The following NELL1 variants were observed in gnomAD, a reference collection of about 807,000 sequenced individuals.
NELL1 encodes the protein protein kinase C-binding protein NELL1.
A neutral mutation model predicts 107.4 loss-of-function variants in NELL1; 76 were observed. The ratio of observed to expected loss-of-function variants is 0.71; its 90% CI spans 0.59 to 0.86. The LOEUF (loss-of-function observed/expected upper bound fraction) is 0.86. NELL1 is among the 40% of genes least tolerant of loss of function. NELL1 has a pLI of 0.00. For synonymous variants in NELL1, 353 were observed against 341.2 expected, an observed-to-expected ratio of 1.03 and a Z score of -0.38; for missense variants, 1,024 against 1,005.5, an observed-to-expected ratio of 1.02 and a Z score of -0.25.
At chr11:20,960,693 G>A in intron 12 of NELL1, 133 bp downstream of exon 12, 2 of 1,010,074 alleles carry the variant, frequency 2.0e-6, no homozygotes, top group African/African-American at 1.6e-5. Flanking sequence ...CATATCAATT[G>A]CTGAGGGTTC....
At position 21,299,511 on chromosome 11, in the gene NELL1, ATGTGTGTGTGTGTGTGTGTGTGTG is replaced by A. The variant is rs71063696; in HGVS notation, c.1549+70087_1549+70110del. 2.0e-3 allele frequency among the ~76,000 whole-genome samples: 270 copies of A among 136,484 alleles called. 2 individuals are homozygous for A. The highest frequency in any genetic ancestry group is 3.4e-3 in the Non-Finnish European group (218 of 64,476). The allele number at this position is 136,484 out of a possible 152,430, so 89.5% of individuals were successfully genotyped here. A position where few individuals can be genotyped will look rare whatever the true frequency, so the allele number is the denominator to read the frequency against. Reference sequence around the variant, plus strand: ...AAATTTCAACATTTTATTGTCTTATATGTGTGTGTGTGTGTGTGTGTGTGTGTGTGTGTGTGTGTGTGTGTGTGT... The same window carrying A: ...AAATTTCAACATTTTATTGTCTTATATGTGTGTGTGTGTGTGTGTGTGTGT... On this transcript the variant is annotated intron_variant, in intron 14 of 19. Coordinates refer to ENST00000357134, the MANE Select transcript of NELL1 (RefSeq NM_006157.5).
rs1210805775 is a variant in NELL1, at chr11:21,575,104, T to G, written c.*82T>G. The G allele has an allele frequency of 5.4e-6, 7 of 1,293,420 alleles. No homozygotes were observed. The highest frequency in any genetic ancestry group is 7.8e-6 in the Non-Finnish European group (7 of 897,016). 80.1% of individuals were successfully genotyped at this position (1,293,420 alleles called of 1,614,324 possible). ...TAAGGATAGGAATCGGTAGTTTGGT[T>G]TTTTTGTTTGTTTTGTTTTTTTAAC... is the stretch of plus-strand genomic sequence containing the variant. On this transcript the variant is annotated 3_prime_UTR_variant, in exon 20 of 20. Coordinates refer to ENST00000357134, the MANE Select transcript of NELL1 (RefSeq NM_006157.5).
chr11:20,927,143 G>A (rs1850514125), intron 7 of NELL1, 165 bp from the exon 8 acceptor site: 2 of 590,192 alleles, frequency 3.4e-6, no homozygotes, highest in Non-Finnish European at 5.8e-6. Context: ...TCCACCTTGT[G>A]TAAAAAAAAT....
At chr11:20,732,693 G>A (rs1333102515) in intron 2 of NELL1, among the ~76,000 whole-genome samples, 1 of 151,412 alleles carries the variant, frequency 6.6e-6, no homozygotes, top group African/African-American at 2.4e-5. Flanking sequence ...CAGTGTAGAT[G>A]CCAGTTTGAC....
At chr11:21,426,556 TCTTAC>T (rs1457356705) in intron 15 of NELL1, among the ~76,000 whole-genome samples, 2 of 152,206 alleles carry the variant, frequency 1.3e-5, no homozygotes, top group Non-Finnish European at 1.5e-5. Context: ...ACATACATTC[TCTTAC>T]CTTCAAAGCT....
intron 2 of NELL1, among the ~76,000 whole-genome samples, chr11:20,725,026 C>G (rs908034784): frequency 6.6e-6 from 1 of 152,202 alleles, no homozygotes; most frequent in Non-Finnish European, 1.5e-5. Context: ...TTAAAACCAT[C>G]AGCTCTCATA....
In NELL1 at chr11:21,284,587, T is replaced by G. The variant is rs75136481; in HGVS notation, c.1549+55133T>G. 905 of 447,980 alleles carry G rather than the reference T, an allele frequency of 2.0e-3. 14 individuals carry two copies. Among genetic ancestry groups the G allele is most frequent in the African/African-American group, 0.016 (825 of 50,024 alleles). 27.8% of individuals were successfully genotyped at this position (447,980 alleles called of 1,614,324 possible). A position where few individuals can be genotyped will look rare whatever the true frequency, so the allele number is the denominator to read the frequency against. The stretch of plus-strand genomic sequence containing the variant: ...CAGTGAGTATCCCAGCCCCAACAGT[T>G]TGATGTCATGGTAATGCTCAGTCTT... On this transcript the variant is annotated intron_variant, in intron 14 of 19. Transcript: ENST00000357134.
intron 13 of NELL1, among the ~76,000 whole-genome samples, chr11:21,145,020 A>G (rs1617172): frequency 0.016 from 2,425 of 152,260 alleles, 62 homozygotes; most frequent in African/African-American, 0.055. Context: ...AAATAACAAT[A>G]CTACCACATA....
At chr11:21,134,177 G>A (rs1458577813) in intron 13 of NELL1, among the ~76,000 whole-genome samples, 1 of 152,234 alleles carries the variant, frequency 6.6e-6, no homozygotes, top group Non-Finnish European at 1.5e-5. Context: ...TTCTGTTTTA[G>A]TGCTTCTGAA....
At chr11:20,914,977 A>T (rs1337840627) in intron 5 of NELL1, among the ~76,000 whole-genome samples, 1 of 152,046 alleles carries the variant, frequency 6.6e-6, no homozygotes, top group Non-Finnish European at 1.5e-5. Flanking sequence ...ACAGATCCTA[A>T]CTGTGCTCAA....
intron 14 of NELL1, among the ~76,000 whole-genome samples, chr11:21,275,985 T>C (rs1327463005): frequency 6.6e-6 from 1 of 152,150 alleles, no homozygotes; most frequent in East Asian, 1.9e-4. Flanking sequence ...CTTTGAAAAC[T>C]GGCACAAGAC....
chr11:21,352,499 C>T (rs1850840383), intron 14 of NELL1, among the ~76,000 whole-genome samples: 3 of 152,002 alleles, frequency 2.0e-5, no homozygotes, highest in Admixed American at 1.3e-4. Context: ...TTTCTGGGTC[C>T]ATGCTTTATT....
At chr11:21,025,278 G>A (rs1331208154) in intron 12 of NELL1, among the ~76,000 whole-genome samples, 2 of 151,824 alleles carry the variant, frequency 1.3e-5, no homozygotes, top group East Asian at 3.9e-4. Flanking sequence ...CTTTAGATAC[G>A]AAACTTCACT....
intron 14 of NELL1, among the ~76,000 whole-genome samples, chr11:21,272,063 G>A (rs1228919423): frequency 6.6e-6 from 1 of 152,222 alleles, no homozygotes; most frequent in African/African-American, 2.4e-5. Context: ...GTGCAGGACA[G>A]TGGGTGCAGT....
chr11:21,113,843 AC>A, intron 13 of NELL1, 129 bp downstream of exon 13: 1 of 899,822 alleles, frequency 1.1e-6, no homozygotes, highest in Non-Finnish European at 1.6e-6. Context: ...TTATTACTTC[AC>A]CCCACCTTTT....
chr11:21,059,504 T>C (rs1853687858), intron 12 of NELL1, among the ~76,000 whole-genome samples: 1 of 152,262 alleles, frequency 6.6e-6, no homozygotes, highest in African/African-American at 2.4e-5. Context: ...CCAAAAGGCA[T>C]CCCAATAAGA....
chr11:20,932,671 TGAG>T (rs1850643190), intron 9 of NELL1, among the ~76,000 whole-genome samples: 2 of 152,150 alleles, frequency 1.3e-5, no homozygotes, highest in Admixed American at 6.5e-5. Context: ...ATTTTACACA[TGAG>T]GAGGTGAAAC....
chr11:21,573,226 G>A lies in NELL1; in HGVS notation c.2199G>A (p.Leu733=), dbSNP rs768655658. The A allele has an allele frequency of 4.3e-6, 7 of 1,612,120 alleles. No individual in the cohort carries two copies. In the African/African-American group the frequency reaches 6.7e-5, roughly 15 times the overall value. ...GCTGGCCACTCACTTGCCCCAACTT[G>A]AGCTGTGAGTATACAGCTATCTTAG... ...VDCWPLTCPN[L]SCEYTAILEG... is the part of the protein sequence containing the mutation. The change falls in exon 19 of 20, where the codon TTG becomes TTA. Residue 733 remains leucine (L), a synonymous_variant. Transcript: ENST00000357134.
chr11:20,906,098 A>G (rs1849991701), intron 5 of NELL1, among the ~76,000 whole-genome samples: 1 of 152,182 alleles, frequency 6.6e-6, no homozygotes, highest in African/African-American at 2.4e-5. Flanking sequence ...ATTTATCATC[A>G]GAAACCATGG....
Sources: gnomAD v4.1 joint callset for allele counts (sites outside exome capture counted in the v4.1 genomes callset) on GRCh38, gnomAD v4.1.1 for gene constraint, MANE v1.5 for transcripts, NCBI Gene and HGNC (gene_info 2026-07-23, HGNC 2026-07-21) for gene names.